The following LRRTM4 variants were observed in gnomAD, a reference collection of about 807,000 sequenced individuals.
LRRTM4 encodes leucine-rich repeat transmembrane neuronal protein 4.
LRRTM4 carries 25 observed loss-of-function variants against 47.6 expected under a neutral mutation model. That is an observed-to-expected ratio of 0.53 (90% confidence interval 0.38 to 0.73). The LOEUF (loss-of-function observed/expected upper bound fraction) is 0.73. LRRTM4 is among the 30% of genes least tolerant of loss of function. LRRTM4 has a pLI of 0.00. For missense variants in LRRTM4, 638 were observed against 713.4 expected, an observed-to-expected ratio of 0.89 and a Z score of 1.20; for synonymous variants, 311 against 269.5, an observed-to-expected ratio of 1.15 and a Z score of -1.51.
At chr2:77,447,823 A>G (rs769874521) in intron 3 of LRRTM4, among the ~76,000 whole-genome samples, 1 of 152,122 alleles carries the variant, frequency 6.6e-6, no homozygotes, top group Non-Finnish European at 1.5e-5. Flanking sequence ...GCAGACCCCG[A>G]CTGTAGTTTA....
chr2:76,796,569 G>C (rs1573120350), intron 3 of LRRTM4, among the ~76,000 whole-genome samples: 1 of 120,196 alleles, frequency 8.3e-6, no homozygotes. Context: ...TCACACGGCA[G>C]GGTATTCCAA....
intron 3 of LRRTM4, among the ~76,000 whole-genome samples, chr2:77,419,568 C>A (rs537368110): frequency 1.6e-4 from 24 of 152,194 alleles, no homozygotes; most frequent in African/African-American, 5.1e-4. Context: ...GAAAAAAAAT[C>A]TGTACATGTT....
intron 3 of LRRTM4, among the ~76,000 whole-genome samples, chr2:76,913,152 C>G (rs767674868): frequency 6.6e-6 from 1 of 152,118 alleles, no homozygotes; most frequent in South Asian, 2.1e-4. Context: ...ATCTGTCTTT[C>G]CTGCTTTGCT....
chr2:77,520,135 T>C (rs2104135447), intron 2 of LRRTM4, among the ~76,000 whole-genome samples: 1 of 152,226 alleles, frequency 6.6e-6, no homozygotes, highest in East Asian at 1.9e-4. Flanking sequence ...ATTTCAACAT[T>C]GAAAAGCACA....
intron 3 of LRRTM4, among the ~76,000 whole-genome samples, chr2:77,139,653 G>T (rs1672057553): frequency 6.6e-6 from 1 of 152,026 alleles, no homozygotes; most frequent in Non-Finnish European, 1.5e-5. Context: ...GAAATAAAGG[G>T]TATAAAATTA....
chr2:76,899,352 C>CATATAT (rs10588850), intron 3 of LRRTM4, among the ~76,000 whole-genome samples: 1 of 96,500 alleles, frequency 1.0e-5, no homozygotes, highest in South Asian at 3.0e-4. Flanking sequence ...CACACACACA[C>CATATAT]ATATATATAT....
At chr2:76,797,339 C>A (rs1054163647) in intron 3 of LRRTM4, among the ~76,000 whole-genome samples, 6 of 151,962 alleles carry the variant, frequency 3.9e-5, no homozygotes. Context: ...GAATTTTCAA[C>A]CCAGAATTGC....
chr2:76,776,028 G>A lies in LRRTM4; in HGVS notation c.1552-27112C>T, dbSNP rs867770020. 8.8e-3 allele frequency among the ~76,000 whole-genome samples: 1,334 copies of A among 151,976 alleles called. 23 individuals carry two copies. The highest frequency in any genetic ancestry group is 0.03 in the African/African-American group (1,249 of 41,436). ...CGGTGTTTGGTTTTTTGTTCTTGCA[G>A]TAGTTTACTGAGAATGATGATTTCC... On this transcript the variant is annotated intron_variant, in intron 3 of 3. Transcript: ENST00000409884.
Position 77,191,879 on chromosome 2 carries a change from T to C in LRRTM4, c.1551+326439A>G, listed in dbSNP as rs541575842. Among the ~76,000 whole-genome samples, 22 of 152,158 alleles carry C rather than the reference T, an allele frequency of 1.4e-4. No homozygotes were observed. In the South Asian group the frequency reaches 1.9e-3, roughly 13 times the overall value. ...TCTGATTCTCTGCCACCTGGAACTA[T>C]AATCACAATATAGCTCCACCCCTAA... On this transcript the variant is annotated intron_variant, in intron 3 of 3. Coordinates refer to ENST00000409884, the MANE Select transcript of LRRTM4 (RefSeq NM_001134745.3).
At chr2:76,995,422 T>G (rs1289629248) in intron 3 of LRRTM4, among the ~76,000 whole-genome samples, 1 of 152,036 alleles carries the variant, frequency 6.6e-6, no homozygotes, top group African/African-American at 2.4e-5. Context: ...GTTGCAGTAC[T>G]TTTACACCAT....
intron 3 of LRRTM4, among the ~76,000 whole-genome samples, chr2:76,913,557 T>TTTTTTTTTTTTTTTTTTTTA (rs1490535283): frequency 6.7e-6 from 1 of 150,202 alleles, no homozygotes; most frequent in African/African-American, 2.5e-5. Context: ...TTTTTTTTTT[T>TTTTTTTTTTTTTTTTTTTTA]GAGACAGAGT....
intron 3 of LRRTM4, among the ~76,000 whole-genome samples, chr2:77,156,055 A>G (rs1672551319): frequency 6.6e-6 from 1 of 152,142 alleles, no homozygotes; most frequent in Admixed American, 6.6e-5. Context: ...AAAAATTAAA[A>G]GAGAAAGATA....
intron 3 of LRRTM4, among the ~76,000 whole-genome samples, chr2:77,503,386 T>C (rs763412022): frequency 4.6e-5 from 7 of 151,538 alleles, no homozygotes; most frequent in Non-Finnish European, 7.4e-5. Context: ...GAGGGATAGC[T>C]TCATTCACAA....
At chr2:77,042,976 G>A (rs977638488) in intron 3 of LRRTM4, among the ~76,000 whole-genome samples, 1 of 151,650 alleles carries the variant, frequency 6.6e-6, no homozygotes, top group Non-Finnish European at 1.5e-5. Flanking sequence ...GCAGATGGTG[G>A]GGGTTTCTTA....
intron 3 of LRRTM4, among the ~76,000 whole-genome samples, chr2:76,908,343 C>T (rs1250856369): frequency 6.6e-6 from 1 of 152,154 alleles, no homozygotes; most frequent in East Asian, 1.9e-4. Context: ...GGCCATATCT[C>T]AAAATCATAA....
In LRRTM4 at chr2:77,025,153, T is replaced by A. The variant is rs912277683; in HGVS notation, c.1552-276237A>T. ...ATAATAGGATCCGTAATACTTTAGT[T>A]TCCAGGTAAAATCCATGACATGTCA... On this transcript the variant is annotated intron_variant, in intron 3 of 3. Transcript: ENST00000409884. 2.6e-5 allele frequency among the ~76,000 whole-genome samples: 4 copies of A among 152,192 alleles called. No homozygotes were observed. In the East Asian group the frequency reaches 7.7e-4, roughly 29 times the overall value.
intron 3 of LRRTM4, among the ~76,000 whole-genome samples, chr2:76,905,934 C>T (rs1255887418): frequency 1.3e-5 from 2 of 152,072 alleles, no homozygotes; most frequent in East Asian, 1.9e-4. Context: ...AGGATATTAT[C>T]CAAGAGAACT....
At chr2:76,954,659 G>A (rs1415434530) in intron 3 of LRRTM4, among the ~76,000 whole-genome samples, 1 of 151,762 alleles carries the variant, frequency 6.6e-6, no homozygotes, top group East Asian at 1.9e-4. Flanking sequence ...GAAATCTGGG[G>A]AAAGAAATGA....
At chr2:77,224,266 A>C (rs1156966562) in intron 3 of LRRTM4, among the ~76,000 whole-genome samples, 1 of 152,024 alleles carries the variant, frequency 6.6e-6, no homozygotes, top group Non-Finnish European at 1.5e-5. Flanking sequence ...CCTAGAAGAA[A>C]ACCTAGGCAA....
Sources: gnomAD v4.1 joint callset for allele counts (sites outside exome capture counted in the v4.1 genomes callset) on GRCh38, gnomAD v4.1.1 for gene constraint, MANE v1.5 for transcripts, NCBI Gene and HGNC (gene_info 2026-07-23, HGNC 2026-07-21) for gene names.